The following PDE4B variants were observed in gnomAD, a reference collection of about 807,000 sequenced individuals.
PDE4B encodes the protein 3',5'-cyclic-AMP phosphodiesterase 4B.
Under a neutral mutation model 82.2 loss-of-function variants are expected in PDE4B, and 20 were observed. The ratio of observed to expected loss-of-function variants is 0.24; its 90% CI spans 0.17 to 0.35. PDE4B has a LOEUF of 0.35. Among genes scored for constraint, PDE4B ranks in the 10% least tolerant of loss-of-function variants. The pLI, the probability that PDE4B is intolerant of heterozygous loss-of-function variation, is 1.00. For missense variants in PDE4B, 655 were observed against 907.2 expected, an observed-to-expected ratio of 0.72 and a Z score of 3.57; for synonymous variants, 320 against 318.9, an observed-to-expected ratio of 1.00 and a Z score of -0.04.
At chr1:66,202,706 C>G (rs575676263) in intron 3 of PDE4B, among the ~76,000 whole-genome samples, 12 of 152,130 alleles carry the variant, frequency 7.9e-5, no homozygotes, top group African/African-American at 2.4e-4. Flanking sequence ...TTTGGTAGAT[C>G]TTCCTCCATC....
intron 3 of PDE4B, among the ~76,000 whole-genome samples, chr1:66,106,387 G>T (rs1426984386): frequency 6.6e-6 from 1 of 152,098 alleles, no homozygotes; most frequent in Non-Finnish European, 1.5e-5. Flanking sequence ...AAGGATATTG[G>T]TCTAAATTTC....
At chr1:66,338,357 G>A (rs901773909) in intron 8 of PDE4B, among the ~76,000 whole-genome samples, 1 of 120,588 alleles carries the variant, frequency 8.3e-6, no homozygotes, top group Non-Finnish European at 1.7e-5. Flanking sequence ...GGGTGATCTT[G>A]TTCTTTCAAC....
At chr1:65,839,731 T>C (rs192851435) in intron 1 of PDE4B, among the ~76,000 whole-genome samples, 1 of 152,338 alleles carries the variant, frequency 6.6e-6, no homozygotes, top group Admixed American at 6.5e-5. Context: ...ACAATAAATA[T>C]ATGTGTGCAT....
At chr1:65,794,417 T>C (rs1195799226) in intron 1 of PDE4B, among the ~76,000 whole-genome samples, 2 of 152,226 alleles carry the variant, frequency 1.3e-5, no homozygotes, top group Admixed American at 6.5e-5. Flanking sequence ...ATTATATTCA[T>C]AAAAACGAAA....
chr1:66,038,872 A>G (rs1172655683), intron 3 of PDE4B, among the ~76,000 whole-genome samples: 1 of 152,104 alleles, frequency 6.6e-6, no homozygotes, highest in Non-Finnish European at 1.5e-5. Flanking sequence ...CGTGAAAATT[A>G]TCTTCTATGT....
At chr1:65,840,764 T>C (rs542183940) in intron 1 of PDE4B, among the ~76,000 whole-genome samples, 1 of 152,304 alleles carries the variant, frequency 6.6e-6, no homozygotes, top group East Asian at 1.9e-4. Context: ...CTTATGTGCA[T>C]ATTTTTCACC....
At chr1:66,198,181 C>A (rs1041332636) in intron 3 of PDE4B, among the ~76,000 whole-genome samples, 2 of 152,088 alleles carry the variant, frequency 1.3e-5, no homozygotes. Flanking sequence ...TTCTGCAAGG[C>A]CCCGTTCCCT....
chr1:66,264,555 C>T (rs1654899720), intron 6 of PDE4B, among the ~76,000 whole-genome samples: 1 of 152,114 alleles, frequency 6.6e-6, no homozygotes, highest in African/African-American at 2.4e-5. Context: ...TGATAATTTC[C>T]CTTCTCTTGT....
At chr1:66,296,993 C>A (rs1316766925) in intron 7 of PDE4B, among the ~76,000 whole-genome samples, 2 of 152,156 alleles carry the variant, frequency 1.3e-5, no homozygotes, top group Middle Eastern at 3.2e-3. Context: ...TAAGTTTAAT[C>A]ATTCCAAGGC....
chr1:66,206,046 C>T (rs530786216), intron 3 of PDE4B, among the ~76,000 whole-genome samples: 78 of 152,320 alleles, frequency 5.1e-4, no homozygotes, highest in African/African-American at 1.7e-3. Context: ...ACACTATGAT[C>T]TCCCAGGACA....
At chr1:65,911,927 G>A (rs1647096969) in intron 1 of PDE4B, among the ~76,000 whole-genome samples, 1 of 152,090 alleles carries the variant, frequency 6.6e-6, no homozygotes, top group Non-Finnish European at 1.5e-5. Context: ...CCACTGCTTA[G>A]TATTCCTAGT....
chr1:65,841,566 C>T (rs1646208105), intron 1 of PDE4B, among the ~76,000 whole-genome samples: 1 of 152,016 alleles, frequency 6.6e-6, no homozygotes, highest in Admixed American at 6.6e-5. Context: ...AACCAGAAGT[C>T]GCAGTCATCT....
At chr1:66,293,037 T>A (rs567695173) in intron 7 of PDE4B, among the ~76,000 whole-genome samples, 1 of 152,276 alleles carries the variant, frequency 6.6e-6, no homozygotes, top group Non-Finnish European at 1.5e-5. Flanking sequence ...GGGGATTGCA[T>A]GGTAATTGGG....
At chr1:66,104,044 C>T (rs1447783411) in intron 3 of PDE4B, among the ~76,000 whole-genome samples, 4 of 150,846 alleles carry the variant, frequency 2.7e-5, no homozygotes, top group African/African-American at 7.3e-5. Context: ...CCCATTAACT[C>T]GTCATTTAGC....
At chr1:65,848,440 G>A (rs1446094852) in intron 1 of PDE4B, among the ~76,000 whole-genome samples, 1 of 129,936 alleles carries the variant, frequency 7.7e-6, no homozygotes, top group Non-Finnish European at 1.6e-5. Context: ...CACCACGCCT[G>A]GCCCAGCTTG....
chr1:65,877,497 C>T (rs1646659131), intron 1 of PDE4B, among the ~76,000 whole-genome samples: 1 of 151,968 alleles, frequency 6.6e-6, no homozygotes, highest in Non-Finnish European at 1.5e-5. Context: ...CGCCTGTAGT[C>T]CCAGCTACTT....
At chr1:65,951,781 T>C (rs2100573197) in intron 3 of PDE4B, among the ~76,000 whole-genome samples, 1 of 152,204 alleles carries the variant, frequency 6.6e-6, no homozygotes, top group South Asian at 2.1e-4. Flanking sequence ...CATATATAGA[T>C]CCCAATGTTC....
intron 13 of PDE4B, among the ~76,000 whole-genome samples, chr1:66,367,172 T>C (rs1344554982): frequency 6.6e-6 from 1 of 152,204 alleles, no homozygotes; most frequent in Non-Finnish European, 1.5e-5. Context: ...ATCATATTAA[T>C]AGAAAGCTCT....
chr1:66,179,820 G>C (rs1171006378), intron 3 of PDE4B, among the ~76,000 whole-genome samples: 1 of 152,138 alleles, frequency 6.6e-6, no homozygotes, highest in Non-Finnish European at 1.5e-5. Context: ...TTTTAAATAA[G>C]TCTAAGTGTG....
Sources: allele counts gnomAD v4.1 joint callset (sites outside exome capture counted in the v4.1 genomes callset), GRCh38; gene constraint gnomAD v4.1.1; transcripts MANE v1.5; gene names NCBI Gene and HGNC (gene_info 2026-07-23, HGNC 2026-07-21).